Variants in AHCTF1 observed in about 807,000 individuals in gnomAD.
AHCTF1 encodes AT-hook containing transcription factor 1, also known as protein ELYS.
Under a neutral mutation model 248.4 loss-of-function variants are expected in AHCTF1, and 24 were observed. The observed-to-expected ratio is 0.10, with a 90% CI of 0.07 to 0.14. The LOEUF is 0.14. AHCTF1 is among the 10% of genes least tolerant of loss of function. The pLI, the probability that AHCTF1 is intolerant of heterozygous loss-of-function variation, is 1.00. For missense variants in AHCTF1, 2,206 were observed against 2,636.2 expected, an observed-to-expected ratio of 0.84 and a Z score of 3.57; for synonymous variants, 786 against 929.8, an observed-to-expected ratio of 0.85 and a Z score of 2.81.
chr1:246,900,419 A>G lies in AHCTF1; in HGVS notation c.1168T>C (p.Tyr390His). The G allele has an allele frequency of 1.9e-6, 3 of 1,599,606 alleles. No individual in the cohort carries two copies. The highest frequency in any genetic ancestry group is 2.5e-6 in the Non-Finnish European group (3 of 1,176,972). The change falls in exon 9 of 36, where the codon TAT (tyrosine) becomes CAT (histidine). Residue 390 changes from tyrosine to histidine, a missense_variant. Around this residue, in one of 6 missense-constraint regions of AHCTF1, gnomAD observed 650 missense variants for 870.8 expected, o/e 0.75. Transcript: ENST00000648844. ...TATACAGAAGGCTTTCCCTGTCCAT[A>G]TATATTCACCTGCCAGGTAAAGACT... ...VSVFTWQVNI[Y>H]GQGKPSVYLG... is the part of the protein sequence containing the mutation.
intron 27 of AHCTF1, among the ~76,000 whole-genome samples, chr1:246,863,225 A>G (rs375354441): frequency 1.3e-5 from 2 of 152,126 alleles, no homozygotes; most frequent in South Asian, 4.1e-4. Flanking sequence ...CTTTTATTCA[A>G]CTTGAAAAAT....
At chr1:246,874,734 C>T (rs560767295) in intron 24 of AHCTF1, among the ~76,000 whole-genome samples, 1 of 152,116 alleles carries the variant, frequency 6.6e-6, no homozygotes, top group Non-Finnish European at 1.5e-5. Flanking sequence ...CCTGAGAGAT[C>T]CTGAAATATA....
At chr1:246,849,184 G>A (rs1660510202) in intron 33 of AHCTF1, among the ~76,000 whole-genome samples, 1 of 152,158 alleles carries the variant, frequency 6.6e-6, no homozygotes, top group South Asian at 2.1e-4. Context: ...AGTGAATATG[G>A]ATTGAAATAA....
intron 7 of AHCTF1, 104 bp from the exon 8 acceptor site, chr1:246,902,779 A>G (rs1665098098): frequency 8.6e-7 from 1 of 1,163,190 alleles, no homozygotes; most frequent in East Asian, 2.7e-5. Context: ...AATACAAAGA[A>G]AACAATTTAG....
chr1:246,905,759 TC>T (rs1665344445), intron 5 of AHCTF1, 102 bp from the exon 6 acceptor site: 1 of 800,436 alleles, frequency 1.2e-6, no homozygotes, highest in Non-Finnish European at 2.0e-6. Context: ...TTCCTACACT[TC>T]CCCAGAATAA....
Position 246,861,000 on chromosome 1 carries a change from G to A in AHCTF1, c.4031C>T (p.Ser1344Phe), listed in dbSNP as rs1283908735. The change falls in exon 29 of 36, where the codon TCC becomes TTC. Residue 1344 changes from serine to phenylalanine, a missense_variant. Coordinates refer to ENST00000648844, the MANE Select transcript of AHCTF1 (RefSeq NM_001323342.2). The stretch of plus-strand genomic sequence containing the variant: ...AGTTACATTAGTAGTTAGTGCAGTG[G>A]AAGAGCTTTTGGGCTTAGAGGCCGT... ...VFTASKPKSS[S>F]TALTTNVTEQ... 1.2e-6 allele frequency: 2 copies of A among 1,613,942 alleles called. No individual in the cohort carries two copies. Among genetic ancestry groups the A allele is most frequent in the South Asian group, 1.1e-5 (1 of 91,080 alleles).
chr1:246,888,572 A>T lies in AHCTF1; in HGVS notation c.2145-55T>A, dbSNP rs1663992740. The T allele has an allele frequency of 1.9e-6, 3 of 1,575,670 alleles. No individual in the cohort carries two copies. The Admixed American group carries it at 5.3e-5, about 28-fold the overall frequency. On this transcript the variant is annotated intron_variant, in intron 17 of 35. Transcript: ENST00000648844. ...TAATATCACTGTTAATTAATATCAA[A>T]GCAACCAGCATCAAAATATTAAAAG...
intron 33 of AHCTF1, 108 bp downstream of exon 33, chr1:246,849,507 G>C: frequency 7.0e-7 from 1 of 1,420,008 alleles, no homozygotes; most frequent in Non-Finnish European, 9.5e-7. Context: ...TTGGTTTGAG[G>C]GGGGAAGGGG....
rs373043560 is a variant in AHCTF1, at chr1:246,891,912, T to C, written c.1812A>G (p.Pro604=). ...TKEEFDRLCV[P]LFDGSCHFMD... Reference sequence around the variant, plus strand: ...TGAAATGACACGAACCATCAAATAATGGCACACCTTTCAAGAATAAAAGAA... The same window carrying C: ...TGAAATGACACGAACCATCAAATAACGGCACACCTTTCAAGAATAAAAGAA... The change falls in exon 15 of 36, where the codon CCA becomes CCG. Residue 604 remains proline (P), a synonymous_variant. Transcript: ENST00000648844. The C allele has an allele frequency of 2.5e-6, 4 of 1,592,226 alleles. No homozygotes were observed. Among genetic ancestry groups the C allele is most frequent in the Non-Finnish European group, 2.6e-6 (3 of 1,174,090 alleles).
intron 21 of AHCTF1, among the ~76,000 whole-genome samples, chr1:246,885,243 C>CCACA (rs1353632188): frequency 6.6e-6 from 1 of 152,150 alleles, no homozygotes; most frequent in African/African-American, 2.4e-5. Context: ...ATACCAAAAT[C>CCACA]CACACATACT....
intron 3 of AHCTF1, among the ~76,000 whole-genome samples, chr1:246,915,832 A>C (rs917890549): frequency 6.6e-6 from 1 of 152,230 alleles, no homozygotes; most frequent in Non-Finnish European, 1.5e-5. Flanking sequence ...ACTGGAGATA[A>C]GAACAAGATT....
chr1:246,931,100 C>A lies in AHCTF1; in HGVS notation c.-8+478G>T, dbSNP rs764287241. The A allele has an allele frequency of 2.0e-5, 31 of 1,547,808 alleles. No homozygotes were observed. The South Asian group carries it at 2.8e-4, about 14-fold the overall frequency. On this transcript the variant is annotated intron_variant, in intron 1 of 35. Coordinates refer to ENST00000648844, the MANE Select transcript of AHCTF1 (RefSeq NM_001323342.2). Reference sequence around the variant, plus strand: ...GGAACCTCACGGCTGAGCCCCGAGTCCAACTTCTTCCCCGCCAGGACTACT... The same window carrying A: ...GGAACCTCACGGCTGAGCCCCGAGTACAACTTCTTCCCCGCCAGGACTACT...
At position 246,840,952 on chromosome 1, in the gene AHCTF1, G is replaced by C. The variant is rs758346249; in HGVS notation, c.6655C>G (p.Arg2219Gly). ...GGGCTAGCCAAGGGGGAAATCAGCC[G>C]AATTTCTATGGGAGGAGGTGACCAA... ...SAWSPPPIEI[R>G]LISPLASPAD... Residue 2219 changes from arginine to glycine, a missense_variant, in exon 36 of 36, where the codon CGG becomes GGG. Coordinates refer to ENST00000648844, the MANE Select transcript of AHCTF1 (RefSeq NM_001323342.2). 3.1e-6 allele frequency: 5 copies of C among 1,611,602 alleles called. No homozygotes were observed. The highest frequency in any genetic ancestry group is 3.4e-6 in the Non-Finnish European group (4 of 1,179,218).
In AHCTF1 at chr1:246,863,949, A is replaced by G; in HGVS notation, c.3515T>C (p.Leu1172Ser). 2.5e-6 allele frequency: 4 copies of G among 1,614,044 alleles called. No homozygotes were observed. Among genetic ancestry groups the G allele is most frequent in the Non-Finnish European group, 3.4e-6 (4 of 1,179,920 alleles). Residue 1172 changes from leucine (L) to serine (S), a missense_variant, in exon 27 of 36, where the codon TTG becomes TCG. By Grantham distance (145) the Leu-to-Ser change is moderately radical (BLOSUM62 -2). This residue lies in a region of AHCTF1 where 955 missense variants were observed against 1,055.6 expected (regional missense o/e 0.90). Coordinates refer to ENST00000648844, the MANE Select transcript of AHCTF1 (RefSeq NM_001323342.2). The stretch of plus-strand genomic sequence containing the variant: ...CTTAACTACAAGAGGAGTTTCAAGC[A>G]AATGTAATTCTGAAGCCCTGGAGAT... ...QAISRASELH[L>S]LETPLVVKKA...
chr1:246,885,430 T>C, intron 21 of AHCTF1, 63 bp downstream of exon 21: 1 of 1,382,438 alleles, frequency 7.2e-7, no homozygotes, highest in Non-Finnish European at 9.8e-7. Context: ...ACTGTCTATC[T>C]CATCAATTCC....
intron 11 of AHCTF1, 70 bp downstream of exon 11, chr1:246,899,381 A>T: frequency 7.6e-7 from 1 of 1,310,260 alleles, no homozygotes; most frequent in Non-Finnish European, 1.1e-6. Context: ...AGTAAAACTT[A>T]AATCCATAAA....
chr1:246,931,290 G>C (rs1201334460), intron 1 of AHCTF1: 1 of 1,547,770 alleles, frequency 6.5e-7, no homozygotes, highest in East Asian at 2.4e-5. Context: ...CCGACTGCCG[G>C]CGCAGGACGC....
At chr1:246,873,882 A>G (rs537093550) in intron 24 of AHCTF1, among the ~76,000 whole-genome samples, 5 of 152,190 alleles carry the variant, frequency 3.3e-5, no homozygotes, top group East Asian at 1.9e-4. Flanking sequence ...TACTTACTGT[A>G]TAAGTCCTAC....
intron 24 of AHCTF1, among the ~76,000 whole-genome samples, chr1:246,870,507 C>CAGAT (rs1662514439): frequency 2.0e-5 from 3 of 152,032 alleles, no homozygotes. Context: ...TTGCTTCTTA[C>CAGAT]AGATAGGCAA....
Sources: gnomAD v4.1 joint callset for allele counts (sites outside exome capture counted in the v4.1 genomes callset) on GRCh38, gnomAD v4.1.1 for gene constraint, gnomAD v4.1.1 regional missense constraint, MANE v1.5 for transcripts, NCBI Gene and HGNC (gene_info 2026-07-23, HGNC 2026-07-21) for gene names.